NR4A1: variants seen among roughly 807,000 people sequenced by gnomAD.
The protein encoded by NR4A1 is nuclear receptor subfamily 4 group A member 1.
In NR4A1, 24 loss-of-function variants were observed where a neutral mutation model predicts 47.5. The ratio of observed to expected loss-of-function variants is 0.50; its 90% CI spans 0.37 to 0.71. NR4A1 has a LOEUF of 0.71. Ranked by LOEUF, NR4A1 falls within the 30% of genes least tolerant of loss-of-function variation. The probability of loss-of-function intolerance (pLI) is 0.00; values close to 1 mark genes in which losing one functional copy is unlikely to be tolerated. For missense variants in NR4A1, 669 were observed against 788.6 expected (o/e 0.85, Z 1.82); for synonymous variants, 353 against 345.7 (o/e 1.02, Z -0.24).
At chr12:52,032,352 A>G (rs968861990) in intron 1 of NR4A1, among the ~76,000 whole-genome samples, 2 of 152,172 alleles carry the variant, frequency 1.3e-5, no homozygotes, top group African/African-American at 4.8e-5. Flanking sequence ...TCAGACATCC[A>G]TGCTCTGATT....
rs937947564 is a variant in NR4A1 at position 52,059,394 on chromosome 12, A to C, written c.*450A>C. 1 of 158,864 alleles carries C rather than the reference A, an allele frequency of 6.3e-6. No homozygotes were observed. The highest frequency in any genetic ancestry group is 2.4e-5 in the African/African-American group (1 of 41,708). 9.8% of individuals were successfully genotyped at this position (158,864 alleles called of 1,614,324 possible). A position where few individuals can be genotyped will look rare whatever the true frequency, so the allele number is the denominator to read the frequency against. On this transcript the variant is annotated 3_prime_UTR_variant, in exon 7 of 7. Transcript: ENST00000394825. ...AAACTGTCACTCTAGGAAGAAGACA[A>C]ATGACAGATTCTGACATTTATATTT...
At position 52,054,377 on chromosome 12, in the gene NR4A1, C is replaced by T. The variant is rs1183728444; in HGVS notation, c.49C>T (p.Pro17Ser). ...TGGGACACCAGCACCGAGTCCGGGACCCCGTGACCACCTGGCAAGCGACCC... is the reference window on the plus strand; with the variant it reads ...TGGGACACCAGCACCGAGTCCGGGATCCCGTGACCACCTGGCAAGCGACCC... ...QYGTPAPSPG[P>S]RDHLASDPLT... Residue 17 changes from proline to serine, a missense_variant, in exon 2 of 7, where the codon CCC becomes TCC. By Grantham distance (74) the Pro-to-Ser change is moderately conservative. Transcript: ENST00000394825. The T allele has an allele frequency of 6.2e-6, 10 of 1,613,510 alleles. No individual in the cohort carries two copies. The highest frequency in any genetic ancestry group is 7.6e-6 in the Non-Finnish European group (9 of 1,179,716).
In NR4A1 at chr12:52,056,110, C is replaced by T. The variant is rs1324976702; in HGVS notation, c.957C>T (p.Cys319=). 1 of 1,611,930 alleles carries T rather than the reference C, an allele frequency of 6.2e-7. No individual in the cohort carries two copies. The highest frequency in any genetic ancestry group is 8.5e-7 in the Non-Finnish European group (1 of 1,179,216). ...CPVDKRRRNR[C]QFCRFQKCLA... is the part of the protein sequence containing the mutation. Reference sequence around the variant, plus strand: ...TGGACAAGAGGCGGCGAAACCGCTGCCAGTTCTGCCGCTTCCAGAAGTGCC... The same window carrying T: ...TGGACAAGAGGCGGCGAAACCGCTGTCAGTTCTGCCGCTTCCAGAAGTGCC... Residue 319 remains cysteine, a synonymous_variant, in exon 3 of 7, where the codon TGC becomes TGT. Coordinates refer to ENST00000394825, the MANE Select transcript of NR4A1 (RefSeq NM_173157.3).
chr12:52,032,422 C>T (rs1938146298), intron 1 of NR4A1, among the ~76,000 whole-genome samples: 1 of 152,244 alleles, frequency 6.6e-6, no homozygotes, highest in Admixed American at 6.5e-5. Context: ...ATCCTGGGTA[C>T]TTCTCAGCGT....
rs748889129 is a variant in NR4A1 at position 52,054,447 on chromosome 12, C to G, written c.119C>G (p.Pro40Arg). ...FIKPTMDLAS[P>R]EAAPAAPTAL... ...AAGCCCACCATGGACCTGGCCAGCC[C>G]CGAGGCAGCCCCCGCTGCCCCCACT... Residue 40 changes from proline (P) to arginine (R), a missense_variant, in exon 2 of 7, where the codon CCC becomes CGC. Pro to Arg is a moderately radical substitution (Grantham distance 103). Transcript: ENST00000394825. The G allele has an allele frequency of 1.2e-6, 2 of 1,613,636 alleles. No individual in the cohort carries two copies. The highest frequency in any genetic ancestry group is 1.7e-6 in the Non-Finnish European group (2 of 1,179,992).
chr12:52,033,079 CA>C (rs1411985574), intron 1 of NR4A1, among the ~76,000 whole-genome samples: 1 of 152,226 alleles, frequency 6.6e-6, no homozygotes, highest in Non-Finnish European at 1.5e-5. Context: ...GACCGAGCCG[CA>C]GCTCTGCGCC....
At position 52,054,810 on chromosome 12, in the gene NR4A1, T is replaced by A. The variant is rs770237310; in HGVS notation, c.482T>A (p.Phe161Tyr). The A allele has an allele frequency of 6.2e-7, 1 of 1,613,336 alleles. No homozygotes were observed. Among genetic ancestry groups the A allele is most frequent in the South Asian group, 1.1e-5 (1 of 91,078 alleles). The change falls in exon 2 of 7, where the codon TTC becomes TAC. Residue 161 changes from phenylalanine (F) to tyrosine (Y), a missense_variant. Coordinates refer to ENST00000394825, the MANE Select transcript of NR4A1 (RefSeq NM_173157.3). ...LSPWDGSFGH[F>Y]SPSQTYEGLR... ...CCCTGGGATGGCTCCTTCGGCCACT[T>A]CTCGCCCAGCCAGACTTACGAAGGC...
intron 1 of NR4A1, among the ~76,000 whole-genome samples, chr12:52,028,843 C>T (rs1938057091): frequency 6.6e-6 from 1 of 152,132 alleles, no homozygotes; most frequent in African/African-American, 2.4e-5. Flanking sequence ...GCGGAGGTTG[C>T]AGTGAGCCAA....
intron 1 of NR4A1, among the ~76,000 whole-genome samples, chr12:52,024,827 T>C (rs1368238789): frequency 6.6e-6 from 1 of 152,202 alleles, no homozygotes; most frequent in Non-Finnish European, 1.5e-5. Context: ...TTTCCACCCT[T>C]GAGCAAACCA....
intron 1 of NR4A1, among the ~76,000 whole-genome samples, chr12:52,026,264 T>C (rs772847050): frequency 2.0e-5 from 3 of 152,168 alleles, no homozygotes; most frequent in Non-Finnish European, 4.4e-5. Flanking sequence ...GTGCAGCAGA[T>C]TGACAACAAA....
At chr12:52,051,390 C>G (rs1938929603), upstream of NR4A1, 1 of 985,346 alleles carries the variant, frequency 1.0e-6, no homozygotes, top group Non-Finnish European at 1.2e-6. Flanking sequence ...GCGCCCCCGC[C>G]CCTCCCCGTG....
At chr12:52,039,453 A>G (rs1248299910) in intron 1 of NR4A1, among the ~76,000 whole-genome samples, 3 of 152,236 alleles carry the variant, frequency 2.0e-5, no homozygotes, top group South Asian at 2.1e-4. Flanking sequence ...GCTGGGATCC[A>G]GGGCTGGGGA....
intron 1 of NR4A1, 91 bp downstream of exon 1, chr12:52,051,659 C>T: frequency 1.2e-6 from 1 of 869,440 alleles, no homozygotes; most frequent in Non-Finnish European, 1.4e-6. Context: ...TGTTGTAGGG[C>T]CGGCATGCAA....
intron 1 of NR4A1, among the ~76,000 whole-genome samples, chr12:52,030,079 C>T (rs1436714595): frequency 2.0e-5 from 3 of 152,232 alleles, no homozygotes; most frequent in Admixed American, 2.0e-4. Context: ...GACTCTTGCA[C>T]ACAAAGGCAC....
At position 52,054,624 on chromosome 12, in the gene NR4A1, C is replaced by T. The variant is rs761221557; in HGVS notation, c.296C>T (p.Ala99Val). Residue 99 changes from alanine (A) to valine (V), a missense_variant, in exon 2 of 7, where the codon GCC (alanine) becomes GTC (valine). Coordinates refer to ENST00000394825, the MANE Select transcript of NR4A1 (RefSeq NM_173157.3). The part of the protein sequence containing the change: ...SSSSATSPAS[A>V]SFKFEDFQVY... ...TCCTCAGCCACCTCCCCTGCCTCTG[C>T]CTCCTTCAAGTTCGAGGACTTCCAG... The T allele has an allele frequency of 5.0e-6, 8 of 1,614,084 alleles. No individual in the cohort carries two copies. The highest frequency in any genetic ancestry group is 1.3e-5 in the African/African-American group (1 of 74,930).
intron 1 of NR4A1, chr12:52,037,575 G>GGA: frequency 2.0e-6 from 2 of 982,952 alleles, no homozygotes; most frequent in Non-Finnish European, 2.4e-6. Context: ...TCGGGGGGGG[G>GGA]ACTGGATTCC....
chr12:52,057,249 C>T lies in NR4A1; in HGVS notation c.1351C>T (p.Leu451=), dbSNP rs1453836877. ...SAFLELFILR[L]AYRSKPGEGK... ...CTTCCTGGAGCTCTTCATCCTCCGCCTGGCGTACAGGTGAGAGCCACTGAC... is the reference window on the plus strand; with the variant it reads ...CTTCCTGGAGCTCTTCATCCTCCGCTTGGCGTACAGGTGAGAGCCACTGAC... Residue 451 remains leucine (L), a synonymous_variant, in exon 5 of 7, where the codon CTG becomes TTG. Transcript: ENST00000394825. 1 of 1,613,772 alleles carries T rather than the reference C, an allele frequency of 6.2e-7. No individual in the cohort carries two copies. The highest frequency in any genetic ancestry group is 1.3e-5 in the African/African-American group (1 of 75,048).
intron 1 of NR4A1, among the ~76,000 whole-genome samples, chr12:52,024,558 G>A (rs1288404373): frequency 6.6e-6 from 1 of 152,096 alleles, no homozygotes; most frequent in African/African-American, 2.4e-5. Flanking sequence ...TGATCTGAGT[G>A]TCTGTAGTCC....
At chr12:52,028,178 G>C (rs1479683671) in intron 1 of NR4A1, among the ~76,000 whole-genome samples, 1 of 137,830 alleles carries the variant, frequency 7.3e-6, no homozygotes, top group Middle Eastern at 3.8e-3. Context: ...CTCCAGTCTG[G>C]GTGACAAAGT....
Sources: allele counts gnomAD v4.1 joint callset (sites outside exome capture counted in the v4.1 genomes callset), GRCh38; gene constraint gnomAD v4.1.1; transcripts MANE v1.5; gene names NCBI Gene and HGNC (gene_info 2026-07-23, HGNC 2026-07-21).